Variants in PRIM2 observed in about 807,000 individuals in gnomAD.
The protein encoded by PRIM2 is DNA primase large subunit.
PRIM2 carries 39 observed loss-of-function variants against 67.3 expected under a neutral mutation model. The observed-to-expected ratio is 0.58, with a 90% CI of 0.45 to 0.76. PRIM2 has a LOEUF of 0.76. PRIM2 is among the 30% of genes least tolerant of loss of function. PRIM2 has a pLI of 0.00. For missense variants in PRIM2, 398 were observed against 598.7 expected, an observed-to-expected ratio of 0.66 and a Z score of 3.50; for synonymous variants, 143 against 198.7, an observed-to-expected ratio of 0.72 and a Z score of 2.36.
chr6:57,468,627 G>A (rs1773262779), intron 7 of PRIM2, among the ~76,000 whole-genome samples: 1 of 152,184 alleles, frequency 6.6e-6, no homozygotes, highest in Admixed American at 6.5e-5. Context: ...TTGGTATCAG[G>A]ATGATGTTGG....
chr6:57,232,358 C>T, the PRIM2 span, among the ~76,000 whole-genome samples: 6 of 152,152 alleles, frequency 3.9e-5, no homozygotes, highest in Non-Finnish European at 7.3e-5. Context: ...CGAGACCAGC[C>T]TGACCAATGT....
chr6:57,338,915 G>A (rs897857103), intron 5 of PRIM2, among the ~76,000 whole-genome samples: 17 of 152,076 alleles, frequency 1.1e-4, no homozygotes, highest in Non-Finnish European at 2.4e-4. Context: ...AAGTCAAATC[G>A]TCCCTGTTTG....
At chr6:57,249,177 C>T in the PRIM2 span, among the ~76,000 whole-genome samples, 4 of 152,200 alleles carry the variant, frequency 2.6e-5, no homozygotes, top group African/African-American at 7.2e-5. Flanking sequence ...TAGGATGTGA[C>T]ATGCTTAAGG....
intron 3 of PRIM2, among the ~76,000 whole-genome samples, chr6:57,322,687 C>G (rs904021249): frequency 6.6e-6 from 1 of 152,090 alleles, no homozygotes; most frequent in Non-Finnish European, 1.5e-5. Context: ...TTTACTCAGT[C>G]TTGGGTATGT....
intron 13 of PRIM2, among the ~76,000 whole-genome samples, chr6:57,638,393 C>T (rs1777161129): frequency 6.6e-6 from 1 of 151,968 alleles, no homozygotes; most frequent in Non-Finnish European, 1.5e-5. Flanking sequence ...CAGATTCACA[C>T]ATAACAATAT....
intron 10 of PRIM2, among the ~76,000 whole-genome samples, chr6:57,548,329 C>T (rs1450704329): frequency 1.3e-5 from 2 of 151,814 alleles, no homozygotes; most frequent in African/African-American, 4.8e-5. Context: ...AAAATGGAGG[C>T]GATGGGAATA....
At chr6:57,456,734 C>G (rs1480208649) in intron 7 of PRIM2, among the ~76,000 whole-genome samples, 1 of 152,052 alleles carries the variant, frequency 6.6e-6, no homozygotes, top group Admixed American at 6.6e-5. Flanking sequence ...TGGGTTCGAA[C>G]TTCCTCCTGC....
intron 7 of PRIM2, among the ~76,000 whole-genome samples, chr6:57,474,738 T>C (rs1773433795): frequency 6.6e-6 from 1 of 151,908 alleles, no homozygotes; most frequent in Non-Finnish European, 1.5e-5. Context: ...ATTAAAGAGG[T>C]GTACTCAGTT....
intron 12 of PRIM2, among the ~76,000 whole-genome samples, chr6:57,630,600 T>C (rs1227675736): frequency 6.6e-6 from 1 of 152,048 alleles, no homozygotes; most frequent in Non-Finnish European, 1.5e-5. Context: ...GTATATCATG[T>C]TACATATTTA....
At chr6:57,598,644 T>C (rs1272987784) in intron 10 of PRIM2, among the ~76,000 whole-genome samples, 1 of 151,956 alleles carries the variant, frequency 6.6e-6, no homozygotes, top group African/African-American at 2.4e-5. Flanking sequence ...CCCAGGGCTT[T>C]AGGAGGCCAA....
rs1272646033 is a variant in PRIM2, at chr6:57,630,969, G to T, written c.1231-1164G>T. ...AGATAGTCAGACTGGCAGAAACCTG[G>T]CCTCTGTGGTTGGCTGGCATTTACA... is the stretch of plus-strand genomic sequence containing the variant. On this transcript the variant is annotated intron_variant, in intron 12 of 13. Transcript: ENST00000615550. 1.1e-4 allele frequency among the ~76,000 whole-genome samples: 17 copies of T among 152,258 alleles called. No homozygotes were observed. In the East Asian group the frequency reaches 2.7e-3, roughly 24 times the overall value.
intron 3 of PRIM2, among the ~76,000 whole-genome samples, chr6:57,321,763 A>G (rs1377678937): frequency 6.6e-6 from 1 of 152,198 alleles, no homozygotes; most frequent in East Asian, 1.9e-4. Flanking sequence ...TAACCCATGT[A>G]TGTAATTCAT....
intron 12 of PRIM2, among the ~76,000 whole-genome samples, chr6:57,615,792 G>A: frequency 6.6e-6 from 1 of 152,130 alleles, no homozygotes; most frequent in Non-Finnish European, 1.5e-5. Flanking sequence ...TGTTTGGGAG[G>A]CTGAAGCAGG....
intron 5 of PRIM2, among the ~76,000 whole-genome samples, chr6:57,326,538 T>C (rs796212974): frequency 2.3e-4 from 35 of 152,134 alleles, no homozygotes; most frequent in African/African-American, 8.2e-4. Context: ...TTGACCAACA[T>C]AGTGAAACCC....
At chr6:57,455,077 T>A (rs1772715810) in intron 7 of PRIM2, among the ~76,000 whole-genome samples, 1 of 152,308 alleles carries the variant, frequency 6.6e-6, no homozygotes, top group African/African-American at 2.4e-5. Context: ...TTGTTCAGTT[T>A]CCATGTAGTT....
chr6:57,521,848 G>A (rs1308751936), intron 8 of PRIM2, among the ~76,000 whole-genome samples: 1 of 152,042 alleles, frequency 6.6e-6, no homozygotes, highest in Non-Finnish European at 1.5e-5. Flanking sequence ...CTGTCTGCTG[G>A]TGGGGAGGGA....
intron 10 of PRIM2, among the ~76,000 whole-genome samples, chr6:57,552,941 G>A (rs1775433295): frequency 6.6e-6 from 1 of 151,922 alleles, no homozygotes; most frequent in South Asian, 2.1e-4. Context: ...TTTCTCCACT[G>A]TAATATTTAA....
chr6:57,284,619 C>CA, the PRIM2 span, among the ~76,000 whole-genome samples: 1 of 151,938 alleles, frequency 6.6e-6, no homozygotes, highest in East Asian at 1.9e-4. Flanking sequence ...AGAAACAACG[C>CA]AAAATAAATA....
chr6:57,601,295 T>C (rs1776459476), intron 11 of PRIM2, 76 bp downstream of exon 11: 22 of 1,443,762 alleles, frequency 1.5e-5, no homozygotes, highest in Non-Finnish European at 2.0e-5. Flanking sequence ...AACAATGTTG[T>C]GGCTTTTTGC....
Sources: allele counts gnomAD v4.1 joint callset (sites outside exome capture counted in the v4.1 genomes callset), GRCh38; gene constraint gnomAD v4.1.1; transcripts MANE v1.5; gene names NCBI Gene and HGNC (gene_info 2026-07-23, HGNC 2026-07-21).